Variants in MYSM1 observed in about 807,000 individuals in gnomAD.
MYSM1 encodes the protein deubiquitinase MYSM1.
MYSM1 carries 51 observed loss-of-function variants against 116.0 expected under a neutral mutation model. That is an observed-to-expected ratio of 0.44 (90% CI 0.35 to 0.56). The LOEUF is 0.56. MYSM1 is among the 20% of genes least tolerant of loss of function. The pLI, the probability that MYSM1 is intolerant of heterozygous loss-of-function variation, is 0.00. For missense variants in MYSM1, 900 were observed against 974.9 expected (o/e 0.92, Z 1.02); for synonymous variants, 313 against 315.2 (o/e 0.99, Z 0.07).
rs549691874 is a variant in MYSM1, at chr1:58,682,511, T to C, written c.533A>G (p.Gln178Arg). The C allele has an allele frequency of 1.2e-6, 2 of 1,612,914 alleles. No individual in the cohort carries two copies. Among genetic ancestry groups the C allele is most frequent in the Admixed American group, 1.7e-5 (1 of 59,734 alleles). ...KCGLDKETPN[Q>R]KTGHNLQVKN... ...AACTTGAAGATTATGGCCGGTCTTC[T>C]GATTTGGTGTTTCTTTATCCAGACC... The change falls in exon 8 of 20, where the codon CAG becomes CGG. Residue 178 changes from glutamine (Q) to arginine (R), a missense_variant. Coordinates refer to ENST00000472487, the MANE Select transcript of MYSM1 (RefSeq NM_001085487.3).
intron 17 of MYSM1, among the ~76,000 whole-genome samples, chr1:58,664,020 T>C (rs1557504818): frequency 6.6e-6 from 1 of 152,226 alleles, no homozygotes; most frequent in Non-Finnish European, 1.5e-5. Flanking sequence ...TCCAGTTTTT[T>C]GGTAGTTTCA....
rs202033823 is a variant in MYSM1 at position 58,682,290 on chromosome 1, T to G, written c.754A>C (p.Ser252Arg). ...CCTTGATTGGTTTCATGCATTTTAC[T>G]ATTAGGAAAGTCTAACAAGAGATCA... ...SSDLLLDFPN[S>R]KMHETNQGEF... Residue 252 changes from serine to arginine, a missense_variant, in exon 8 of 20, where the codon AGT becomes CGT. This residue lies in a region of MYSM1 where 622 missense variants were observed against 623.7 expected (regional missense o/e 1.00). Coordinates refer to ENST00000472487, the MANE Select transcript of MYSM1 (RefSeq NM_001085487.3). The G allele has an allele frequency of 5.5e-5, 88 of 1,611,652 alleles. 1 individual carries two copies. The African/African-American group carries it at 9.7e-4, about 18-fold the overall frequency.
chr1:58,676,028 G>C (rs1467400915), intron 9 of MYSM1, among the ~76,000 whole-genome samples: 1 of 152,116 alleles, frequency 6.6e-6, no homozygotes, highest in Non-Finnish European at 1.5e-5. Flanking sequence ...CCCTTTCATA[G>C]ACAAACACAG....
At chr1:58,688,767 C>T (rs1181861280) in intron 6 of MYSM1, among the ~76,000 whole-genome samples, 1 of 151,834 alleles carries the variant, frequency 6.6e-6, no homozygotes, top group Non-Finnish European at 1.5e-5. Flanking sequence ...TACAGATATA[C>T]CTCAATTTCT....
chr1:58,690,903 C>A (rs1466472164), intron 3 of MYSM1, among the ~76,000 whole-genome samples: 1 of 152,136 alleles, frequency 6.6e-6, no homozygotes, highest in African/African-American at 2.4e-5. Flanking sequence ...AGAGAAGAAT[C>A]CAAGGATCTT....
At chr1:58,699,001 A>G (rs1255335943) in intron 1 of MYSM1, among the ~76,000 whole-genome samples, 1 of 152,250 alleles carries the variant, frequency 6.6e-6, no homozygotes, top group Non-Finnish European at 1.5e-5. Flanking sequence ...AAAATGGTCT[A>G]AATATTGGCA....
intron 1 of MYSM1, 50 bp from the exon 2 acceptor site, chr1:58,695,257 T>C (rs775373147): frequency 8.5e-7 from 1 of 1,171,264 alleles, no homozygotes; most frequent in Non-Finnish European, 1.3e-6. Context: ...TATTAGTTAA[T>C]GAATGTAACT....
At chr1:58,695,063 A>AAG in intron 2 of MYSM1, 66 bp downstream of exon 2, 17 of 852,290 alleles carry the variant, frequency 2.0e-5, no homozygotes, top group African/African-American at 8.6e-5. Context: ...AAAAAAAAAA[A>AAG]AAGAAGAAGC....
Position 58,659,796 on chromosome 1 carries a change from G to A in MYSM1, c.*201C>T. On this transcript the variant is annotated 3_prime_UTR_variant, in exon 20 of 20. Transcript: ENST00000472487. The stretch of plus-strand genomic sequence containing the variant: ...AGAACACCGTGGTGGACCCTGGTTT[G>A]CAGAACACTCTGATAATCACTATAT... 2.4e-6 allele frequency: 1 copy of A among 409,624 alleles called. No individual in the cohort carries two copies. The highest frequency in any genetic ancestry group is 6.7e-4 in the Middle Eastern group (1 of 1,492). The allele number at this position is 409,624 out of a possible 1,614,324, so 25.4% of individuals were successfully genotyped here.
chr1:58,694,258 C>T (rs1433373048), intron 2 of MYSM1, among the ~76,000 whole-genome samples: 2 of 152,224 alleles, frequency 1.3e-5, no homozygotes, highest in African/African-American at 2.4e-5. Flanking sequence ...AGCAGGAACA[C>T]GTCTGTCTTC....
At chr1:58,661,119 T>A (rs749731823) in intron 19 of MYSM1, 51 bp downstream of exon 19, 1 of 1,352,878 alleles carries the variant, frequency 7.4e-7, no homozygotes, top group Non-Finnish European at 1.1e-6. Context: ...TTGAGATGAA[T>A]AGCTTCAGAA....
At chr1:58,693,437 T>C (rs942992025) in intron 2 of MYSM1, among the ~76,000 whole-genome samples, 3 of 152,210 alleles carry the variant, frequency 2.0e-5, no homozygotes, top group African/African-American at 7.2e-5. Flanking sequence ...GGATATCTAA[T>C]TGGCTTCTAG....
chr1:58,680,343 A>AAT (rs1644720520), intron 8 of MYSM1, among the ~76,000 whole-genome samples: 1 of 152,208 alleles, frequency 6.6e-6, no homozygotes, highest in Non-Finnish European at 1.5e-5. Context: ...AAATAAACAT[A>AAT]ATACCATCTG....
chr1:58,675,642 T>C lies in MYSM1; in HGVS notation c.1391-62A>G, dbSNP rs975295408. On this transcript the variant is annotated intron_variant, in intron 9 of 19. Transcript: ENST00000472487. ...TTTGTGAAACTCATTTGTTAAACAG[T>C]AAGACACATGTACACTGACTATAGT... 8 of 1,271,854 alleles carry C rather than the reference T, an allele frequency of 6.3e-6. No individual in the cohort carries two copies. The African/African-American group carries it at 1.0e-4, about 16-fold the overall frequency. The allele number at this position is 1,271,854 out of a possible 1,614,324, so 78.8% of individuals were successfully genotyped here.
intron 2 of MYSM1, among the ~76,000 whole-genome samples, chr1:58,694,164 TC>T (rs1304157751): frequency 6.6e-6 from 1 of 152,242 alleles, no homozygotes; most frequent in African/African-American, 2.4e-5. Flanking sequence ...TCATTCAGCA[TC>T]TTGCTTATTT....
chr1:58,676,405 GAAAA>G (rs66986748), intron 9 of MYSM1, among the ~76,000 whole-genome samples: 3 of 91,338 alleles, frequency 3.3e-5, no homozygotes, highest in African/African-American at 8.2e-5. Context: ...AACAGAGCGA[GAAAA>G]AAAAAAAAAA....
At chr1:58,686,732 T>A (rs970663426) in intron 6 of MYSM1, among the ~76,000 whole-genome samples, 11 of 151,918 alleles carry the variant, frequency 7.2e-5, no homozygotes, top group African/African-American at 2.7e-4. Context: ...ATAACATTGG[T>A]AGGTAGCATG....
At chr1:58,669,857 A>AAAAAAAC (rs1553135842) in intron 12 of MYSM1, among the ~76,000 whole-genome samples, 2 of 86,060 alleles carry the variant, frequency 2.3e-5, no homozygotes, top group Admixed American at 1.5e-4. Context: ...AAAAAAAAAA[A>AAAAAAAC]AAAAACAAAA....
intron 16 of MYSM1, among the ~76,000 whole-genome samples, 157 bp from the exon 17 acceptor site, chr1:58,665,788 T>C (rs1644459843): frequency 6.6e-6 from 1 of 152,236 alleles, no homozygotes; most frequent in South Asian, 2.1e-4. Flanking sequence ...CCCACGCCTG[T>C]AATCCCAGCA....
Sources: allele counts gnomAD v4.1 joint callset (sites outside exome capture counted in the v4.1 genomes callset), GRCh38; gene constraint gnomAD v4.1.1; regional missense constraint gnomAD v4.1.1; transcripts MANE v1.5; gene names NCBI Gene and HGNC (gene_info 2026-07-23, HGNC 2026-07-21).